The following RYR1 variants were observed in gnomAD, a reference collection of about 807,000 sequenced individuals.
RYR1 encodes the protein ryanodine receptor 1.
A neutral mutation model predicts 583.5 loss-of-function variants in RYR1; 342 were observed. That is an observed-to-expected ratio of 0.59 (90% CI 0.54 to 0.64). The LOEUF (loss-of-function observed/expected upper bound fraction) is 0.64, where lower values mean the gene tolerates loss of function less well. Ranked by LOEUF, RYR1 falls within the 30% of genes least tolerant of loss-of-function variation. The pLI is 0.00. For synonymous variants in RYR1, 2,791 were observed against 2,822.5 expected (o/e 0.99, Z 0.35); for missense variants, 6,032 against 6,917.2 (o/e 0.87, Z 4.54).
At position 38,496,122 on chromosome 19, in the gene RYR1, G is replaced by T; in HGVS notation, c.6549-93G>T. On this transcript the variant is annotated intron_variant, in intron 39 of 105. Transcript: ENST00000359596. The surrounding 1 kb of genome is among the most constrained non-coding windows in gnomAD (Gnocchi z 4.8). ...GGCGGTGGTGCTAGGCACAGAGTGA[G>T]AGGGTCAAGAATGCCAACGCTGTCA... 2.0e-6 allele frequency: 2 copies of T among 1,018,654 alleles called. No homozygotes were observed. Among genetic ancestry groups the T allele is most frequent in the Non-Finnish European group, 3.1e-6 (2 of 652,864 alleles). The allele number at this position is 1,018,654 out of a possible 1,614,324, so 63.1% of individuals were successfully genotyped here.
Position 38,458,246 on chromosome 19 carries a change from C to T in RYR1, c.2121C>T (p.Gly707=), listed in dbSNP as rs146104858. ...AGGGCTGGGGCGGCAACGGGGTCGGCGATGACCTCTATTCCTACGGCTTTG... is the reference window on the plus strand; with the variant it reads ...AGGGCTGGGGCGGCAACGGGGTCGGTGATGACCTCTATTCCTACGGCTTTG... ...AGEGWGGNGV[G]DDLYSYGFDG... is the part of the protein sequence containing the mutation. The change falls in exon 18 of 106, where the codon GGC becomes GGT. Residue 707 remains glycine, a synonymous_variant. Coordinates refer to ENST00000359596, the MANE Select transcript of RYR1 (RefSeq NM_000540.3). The T allele has an allele frequency of 2.5e-6, 4 of 1,613,976 alleles. No homozygotes were observed. The highest frequency in any genetic ancestry group is 1.3e-5 in the African/African-American group (1 of 75,034).
In RYR1 at chr19:38,543,335, T is replaced by TC. The variant is rs1364930895; in HGVS notation, c.11690-11dup. On this transcript the variant is annotated splice_polypyrimidine_tract_variant and intron_variant, in intron 84 of 105. Coordinates refer to ENST00000359596, the MANE Select transcript of RYR1 (RefSeq NM_000540.3). The surrounding 1 kb of genome is among the most constrained non-coding windows in gnomAD (Gnocchi z 4.4). ...TGGGAGGTGCTGGATAAATGACTTTTCATCTCCCCAGATTTCCAGAACTAC... is the reference window on the plus strand; with the variant it reads ...TGGGAGGTGCTGGATAAATGACTTTTCCATCTCCCCAGATTTCCAGAACTAC... 1 of 1,613,590 alleles carries TC rather than the reference T, an allele frequency of 6.2e-7. No individual in the cohort carries two copies. Among genetic ancestry groups the TC allele is most frequent in the Non-Finnish European group, 8.5e-7 (1 of 1,179,488 alleles).
At position 38,506,879 on chromosome 19, in the gene RYR1, G is replaced by A. The variant is rs1970479129; in HGVS notation, c.8743G>A (p.Glu2915Lys). ...CCCCTACGACACGCTCACGGCCAAG[G>A]AGAAGGCACGAGATCGAGAGAAGGC... ...LVPYDTLTAK[E>K]KARDREKAQE... Residue 2915 changes from glutamate to lysine, a missense_variant, in exon 57 of 106, where the codon GAG (glutamate) becomes AAG (lysine). By Grantham distance (56) the Glu-to-Lys change is moderately conservative. Transcript: ENST00000359596. The A allele has an allele frequency of 6.2e-7, 1 of 1,613,896 alleles. No homozygotes were observed. Among genetic ancestry groups the A allele is most frequent in the Non-Finnish European group, 8.5e-7 (1 of 1,180,042 alleles).
intron 37 of RYR1, 112 bp from the exon 38 acceptor site, chr19:38,492,378 G>T: frequency 4.9e-6 from 5 of 1,029,786 alleles, no homozygotes; most frequent in Non-Finnish European, 7.0e-6. Context: ...AAAAAAAAAA[G>T]GAAATGAAAA....
chr19:38,567,840 C>T lies in RYR1; in HGVS notation c.13582C>T (p.Pro4528Ser), dbSNP rs763661413. Residue 4528 changes from proline (P) to serine (S), a missense_variant, in exon 93 of 106, where the codon CCC becomes TCC. By Grantham distance (74) the Pro-to-Ser change is moderately conservative (BLOSUM62 -1). Transcript: ENST00000359596. ...TPEPPKKQAP[P>S]SPPPKKEEAG... ...AGAGCCCCCCAAGAAGCAAGCACCT[C>T]CCTCACCCCCTCCAAAGAAGGAGGA... 7.4e-6 allele frequency: 12 copies of T among 1,614,014 alleles called. No individual in the cohort carries two copies. In the South Asian group the frequency reaches 8.8e-5, roughly 12 times the overall value.
chr19:38,565,914 G>A lies in RYR1; in HGVS notation c.13437+143G>A. 5 of 1,001,906 alleles carry A rather than the reference G, an allele frequency of 5.0e-6. No homozygotes were observed. The South Asian group carries it at 1.2e-4, about 24-fold the overall frequency. 62.1% of individuals were successfully genotyped at this position (1,001,906 alleles called of 1,614,324 possible). A position where few individuals can be genotyped will look rare whatever the true frequency, so the allele number is the denominator to read the frequency against. On this transcript the variant is annotated intron_variant, in intron 91 of 105. Coordinates refer to ENST00000359596, the MANE Select transcript of RYR1 (RefSeq NM_000540.3). The surrounding 1 kb of genome is among the most constrained non-coding windows in gnomAD (Gnocchi z 4.7). ...CGCACCCACGGAGGACGCACCCATG[G>A]AGGACGCACACGGGGACAGCGGGCG... is the stretch of plus-strand genomic sequence containing the variant.
At chr19:38,442,539 G>T in intron 3 of RYR1, 86 bp downstream of exon 3, 1 of 927,798 alleles carries the variant, frequency 1.1e-6, no homozygotes, top group Non-Finnish European at 1.8e-6. Flanking sequence ...GCAAGGATGG[G>T]TGAGAGGACC....
Position 38,506,541 on chromosome 19 carries a change from C to A in RYR1, c.8687C>A (p.Ala2896Asp). The change falls in exon 56 of 106, where the codon GCC (alanine) becomes GAC (aspartate). Residue 2896 changes from alanine (A) to aspartate (D), a missense_variant. Ala to Asp is a moderately radical substitution (Grantham distance 126, BLOSUM62 -2). This residue lies in a region of RYR1 where 1,493 missense variants were observed against 1,715.5 expected (regional missense o/e 0.87). Transcript: ENST00000359596. ...CGGAAGAAGAAGCAGGAGCTGGAAG[C>A]CAAAGGTGAGGGCGCCCATGCCGCC... is the stretch of plus-strand genomic sequence containing the variant. ...WGRKKKQELE[A>D]KGGGTHPLLV... The A allele has an allele frequency of 6.2e-7, 1 of 1,613,950 alleles. No homozygotes were observed. Among genetic ancestry groups the A allele is most frequent in the Non-Finnish European group, 8.5e-7 (1 of 1,179,960 alleles).
chr19:38,446,536 T>C lies in RYR1; in HGVS notation c.696T>C (p.Ile232=). ...GACATATGGATGAGTGTCTGACCAT[T>C]TCCCCTGCTGACAGTGATGACCAGC... ...FHGHMDECLT[I]SPADSDDQRR... is the part of the protein sequence containing the mutation. Residue 232 remains isoleucine, a synonymous_variant, in exon 8 of 106, where the codon ATT becomes ATC. Transcript: ENST00000359596. The C allele has an allele frequency of 6.2e-7, 1 of 1,614,138 alleles. No individual in the cohort carries two copies. The highest frequency in any genetic ancestry group is 1.1e-5 in the South Asian group (1 of 91,082).
chr19:38,565,728 C>A lies in RYR1; in HGVS notation c.13394C>A (p.Pro4465Gln). ...GDMGDTTPAE[P>Q]PTPEGSPILK... ...ATGGGGGACACGACGCCTGCGGAACCGCCCACACCCGAGGGCTCTCCCATC... is the reference window on the plus strand; with the variant it reads ...ATGGGGGACACGACGCCTGCGGAACAGCCCACACCCGAGGGCTCTCCCATC... Residue 4465 changes from proline (P) to glutamine (Q), a missense_variant, in exon 91 of 106, where the codon CCG (proline) becomes CAG (glutamine). Around this residue, in one of 11 missense-constraint regions of RYR1, gnomAD observed 753 missense variants for 759.6 expected, o/e 0.99. Coordinates refer to ENST00000359596, the MANE Select transcript of RYR1 (RefSeq NM_000540.3). This position sits in a 1 kb window ranked among gnomAD's most constrained non-coding sequence, Gnocchi z 4.7. 1 of 1,429,544 alleles carries A rather than the reference C, an allele frequency of 7.0e-7. No individual in the cohort carries two copies. 88.6% of individuals were successfully genotyped at this position (1,429,544 alleles called of 1,614,324 possible).
intron 87 of RYR1, among the ~76,000 whole-genome samples, chr19:38,546,174 C>T (rs2145783250): frequency 6.6e-6 from 1 of 152,170 alleles, no homozygotes; most frequent in South Asian, 2.1e-4. Flanking sequence ...CAAATGTCTG[C>T]CCCGCAAGCC....
intron 16 of RYR1, among the ~76,000 whole-genome samples, chr19:38,457,045 CCA>C (rs1479490434): frequency 7.7e-3 from 150 of 19,586 alleles, no homozygotes; most frequent in African/African-American, 0.025. Flanking sequence ...GACTCCATCT[CCA>C]AAAAAAAAAA....
chr19:38,468,585 T>C (rs1489359730), intron 25 of RYR1, among the ~76,000 whole-genome samples: 1 of 152,192 alleles, frequency 6.6e-6, no homozygotes, highest in Non-Finnish European at 1.5e-5. Flanking sequence ...ACTCATCTAT[T>C]TTGTGCATGT....
rs750118295 is a variant in RYR1 at position 38,566,899 on chromosome 19, C to T, written c.13438-12C>T. On this transcript the variant is annotated splice_polypyrimidine_tract_variant and intron_variant, in intron 91 of 105. Coordinates refer to ENST00000359596, the MANE Select transcript of RYR1 (RefSeq NM_000540.3). ...GGTGAGGACTCAGCCCTGATGCTTGCCCTGTCCCTAGGTGGATGGAGTGGA... is the reference window on the plus strand; with the variant it reads ...GGTGAGGACTCAGCCCTGATGCTTGTCCTGTCCCTAGGTGGATGGAGTGGA... The T allele has an allele frequency of 9.4e-6, 15 of 1,600,958 alleles. No homozygotes were observed.
chr19:38,527,282 G>T (rs765878093), intron 72 of RYR1, among the ~76,000 whole-genome samples: 1 of 152,018 alleles, frequency 6.6e-6, no homozygotes, highest in Non-Finnish European at 1.5e-5. Context: ...AGGCCAAGGC[G>T]GGCAGATCAC....
intron 12 of RYR1, among the ~76,000 whole-genome samples, chr19:38,452,494 A>T (rs994486787): frequency 6.6e-6 from 1 of 151,854 alleles, no homozygotes; most frequent in African/African-American, 2.4e-5. Context: ...TGTACACTTG[A>T]CCCCTAATCT....
At chr19:38,463,725 G>T (rs936601950) in intron 21 of RYR1, 22 bp from the exon 22 acceptor site, 2 of 1,609,092 alleles carry the variant, frequency 1.2e-6, no homozygotes, top group African/African-American at 2.7e-5. Context: ...AGCACATGGA[G>T]TTGACCCTGG....
chr19:38,530,987 C>CTTTTTTTTTT (rs59244176), intron 76 of RYR1, among the ~76,000 whole-genome samples: 44 of 129,380 alleles, frequency 3.4e-4, no homozygotes, highest in East Asian at 6.5e-4. Flanking sequence ...TTTTCTTTCT[C>CTTTTTTTTTT]TTTTTTTTTT....
Position 38,547,205 on chromosome 19 carries a change from A to ATTT in RYR1, c.12094+696_12094+698dup, listed in dbSNP as rs1204178433. Among the ~76,000 whole-genome samples, 321 of 123,630 alleles carry ATTT rather than the reference A, an allele frequency of 2.6e-3. 14 individuals carry two copies. In the East Asian group the frequency reaches 0.061, roughly 23 times the overall value. 81.1% of individuals were successfully genotyped at this position (123,630 alleles called of 152,430 possible). A position where few individuals can be genotyped will look rare whatever the true frequency, so the allele number is the denominator to read the frequency against. The stretch of plus-strand genomic sequence containing the variant: ...AGGCGCCCGCCACCACACCTGGCTA[A>ATTT]TTTTTTTTTTTTTTTTTTTGTATTT... On this transcript the variant is annotated intron_variant, in intron 88 of 105. Transcript: ENST00000359596.
Sources: gnomAD v4.1 joint callset for allele counts (sites outside exome capture counted in the v4.1 genomes callset) on GRCh38, gnomAD v4.1.1 for gene constraint, gnomAD v4.1.1 regional missense constraint, Gnocchi (gnomAD v3.1) non-coding constraint, MANE v1.5 for transcripts, NCBI Gene and HGNC (gene_info 2026-07-23, HGNC 2026-07-21) for gene names.